SLC4A10: variants seen among roughly 807,000 people sequenced by gnomAD.
SLC4A10 encodes the protein sodium-driven chloride bicarbonate exchanger.
A neutral mutation model predicts 137.7 loss-of-function variants in SLC4A10; 42 were observed. That is an observed-to-expected ratio of 0.30 (90% CI 0.24 to 0.39). SLC4A10 has a LOEUF of 0.39. SLC4A10 is among the 10% of genes least tolerant of loss of function. The pLI, the probability that SLC4A10 is intolerant of heterozygous loss-of-function variation, is 1.00. For synonymous variants in SLC4A10, 474 were observed against 464.1 expected (o/e 1.02, Z -0.27); for missense variants, 925 against 1,355.0 (o/e 0.68, Z 4.98).
At chr2:161,902,779 T>C (rs758673939) in intron 12 of SLC4A10, among the ~76,000 whole-genome samples, 1 of 152,196 alleles carries the variant, frequency 6.6e-6, no homozygotes, top group Admixed American at 6.6e-5. Context: ...AATATGTACA[T>C]CTTTTATTTC....
chr2:161,829,297 G>T lies in SLC4A10; in HGVS notation c.278-10492G>T, dbSNP rs193206397. Among the ~76,000 whole-genome samples the T allele has an allele frequency of 1.2e-4, 18 of 152,218 alleles. No individual in the cohort carries two copies. The East Asian group carries it at 3.1e-3, about 26-fold the overall frequency. ...AATAAATATGGTATAGCATTTATGT[G>T]AACTGGAATAGATACTATCCTACAG... On this transcript the variant is annotated intron_variant, in intron 3 of 26. Coordinates refer to ENST00000446997, the MANE Select transcript of SLC4A10 (RefSeq NM_001178015.2).
intron 15 of SLC4A10, among the ~76,000 whole-genome samples, chr2:161,913,187 T>C (rs937617148): frequency 9.9e-5 from 15 of 152,180 alleles, no homozygotes; most frequent in Non-Finnish European, 1.6e-4. Context: ...CACTGGAGTA[T>C]AATTTACCTG....
At chr2:161,805,020 T>A (rs2055787490) in intron 3 of SLC4A10, among the ~76,000 whole-genome samples, 1 of 152,070 alleles carries the variant, frequency 6.6e-6, no homozygotes, top group Non-Finnish European at 1.5e-5. Context: ...GACTAGACAA[T>A]TTACCAAAAT....
chr2:161,835,925 G>T (rs2058736162), intron 3 of SLC4A10, among the ~76,000 whole-genome samples: 1 of 152,212 alleles, frequency 6.6e-6, no homozygotes, highest in African/African-American at 2.4e-5. Context: ...TGTGGTTGAG[G>T]TATATACTGT....
At position 161,907,055 on chromosome 2, in the gene SLC4A10, C is replaced by CAA. The variant is rs556899761; in HGVS notation, c.1997+1193_1997+1194dup. 0.014 allele frequency among the ~76,000 whole-genome samples: 1,232 copies of CAA among 90,720 alleles called. 107 individuals carry two copies. In the East Asian group the frequency reaches 0.14, roughly 10 times the overall value. The allele number at this position is 90,720 out of a possible 152,430, so 59.5% of individuals were successfully genotyped here. On this transcript the variant is annotated intron_variant, in intron 15 of 26. Transcript: ENST00000446997. ...TGGGCGACAGAGCGAGACTCCGTCT[C>CAA]AAAAAAAAAAAAAAAAAAAAAAAAA... is the stretch of plus-strand genomic sequence containing the variant.
At chr2:161,926,329 T>C (rs890648959) in intron 15 of SLC4A10, among the ~76,000 whole-genome samples, 14 of 144,594 alleles carry the variant, frequency 9.7e-5, no homozygotes, top group African/African-American at 3.5e-4. Context: ...TTTTGATCTT[T>C]GTTGGTTTAA....
chr2:161,942,255 G>A (rs753679141), intron 15 of SLC4A10, among the ~76,000 whole-genome samples: 3 of 152,138 alleles, frequency 2.0e-5, no homozygotes, highest in Non-Finnish European at 4.4e-5. Context: ...AGGGCAAATA[G>A]CAAGTTTACA....
chr2:161,718,837 T>C (rs1023079225), intron 1 of SLC4A10, among the ~76,000 whole-genome samples: 1 of 152,132 alleles, frequency 6.6e-6, no homozygotes, highest in Non-Finnish European at 1.5e-5. Context: ...TGACTTCAAG[T>C]CCTTTGTTGA....
At chr2:161,634,002 A>G (rs1054131214) in intron 1 of SLC4A10, among the ~76,000 whole-genome samples, 2 of 151,898 alleles carry the variant, frequency 1.3e-5, no homozygotes, top group East Asian at 3.9e-4. Flanking sequence ...AAAACTAGAA[A>G]GTTAACACTG....
At chr2:161,647,771 G>T (rs1049690954) in intron 1 of SLC4A10, among the ~76,000 whole-genome samples, 8 of 152,142 alleles carry the variant, frequency 5.3e-5, no homozygotes, top group African/African-American at 1.9e-4. Context: ...TTAAACATAG[G>T]TAATTTCTAG....
intron 16 of SLC4A10, among the ~76,000 whole-genome samples, chr2:161,943,832 G>A (rs1273458914): frequency 6.6e-6 from 1 of 151,882 alleles, no homozygotes; most frequent in Non-Finnish European, 1.5e-5. Flanking sequence ...TCTAGTTAGT[G>A]AGCATAGAAA....
chr2:161,946,707 T>G (rs2105792285), intron 16 of SLC4A10, among the ~76,000 whole-genome samples: 1 of 152,238 alleles, frequency 6.6e-6, no homozygotes, highest in Admixed American at 6.6e-5. Context: ...AAAAAAATTT[T>G]TTTGACTTTG....
chr2:161,933,298 TTTC>T (rs1196683549), intron 15 of SLC4A10, among the ~76,000 whole-genome samples: 1 of 150,818 alleles, frequency 6.6e-6, no homozygotes, highest in Non-Finnish European at 1.5e-5. Flanking sequence ...TCTTTCTTTG[TTTC>T]TTTTTTCTTT....
chr2:161,842,093 A>G (rs2059220118), intron 4 of SLC4A10, among the ~76,000 whole-genome samples: 1 of 152,144 alleles, frequency 6.6e-6, no homozygotes, highest in Admixed American at 6.5e-5. Context: ...GTTAGTCTTG[A>G]TAGACATTTA....
chr2:161,943,241 A>T (rs1693071253), intron 16 of SLC4A10, among the ~76,000 whole-genome samples: 1 of 152,114 alleles, frequency 6.6e-6, no homozygotes. Flanking sequence ...GAATGCTCTT[A>T]CTTTACTCTG....
intron 1 of SLC4A10, among the ~76,000 whole-genome samples, chr2:161,717,280 T>C (rs565492218): frequency 1.1e-4 from 17 of 152,336 alleles, no homozygotes; most frequent in African/African-American, 3.8e-4. Context: ...TTGAATACGC[T>C]TTATTTATTT....
intron 15 of SLC4A10, among the ~76,000 whole-genome samples, chr2:161,936,692 C>T (rs1266748115): frequency 6.6e-6 from 1 of 152,004 alleles, no homozygotes; most frequent in Non-Finnish European, 1.5e-5. Context: ...TGGTCTAGCT[C>T]AACATTTGTT....
chr2:161,663,439 G>A (rs1220804819), intron 1 of SLC4A10, among the ~76,000 whole-genome samples: 1 of 151,868 alleles, frequency 6.6e-6, no homozygotes. Context: ...TTCTTTCTGA[G>A]TTATCGCTTT....
intron 2 of SLC4A10, among the ~76,000 whole-genome samples, chr2:161,781,401 G>T (rs1486757697): frequency 6.6e-6 from 1 of 152,048 alleles, no homozygotes; most frequent in African/African-American, 2.4e-5. Context: ...TATTCAACTT[G>T]TGTGTACATC....
Sources: allele counts gnomAD v4.1 joint callset (sites outside exome capture counted in the v4.1 genomes callset), GRCh38; gene constraint gnomAD v4.1.1; transcripts MANE v1.5; gene names NCBI Gene and HGNC (gene_info 2026-07-23, HGNC 2026-07-21).